The following HEATR4 variants were observed in gnomAD, a reference collection of about 807,000 sequenced individuals.
HEATR4 encodes the protein HEAT repeat containing 4, also known as HEAT repeat-containing protein 4.
Under a neutral mutation model 108.8 loss-of-function variants are expected in HEATR4, and 95 were observed. The observed-to-expected ratio is 0.87, with a 90% CI of 0.74 to 1.04. The LOEUF is 1.04. HEATR4 is among the 50% of genes least tolerant of loss of function. HEATR4 has a pLI of 0.00. For missense variants in HEATR4, 1,152 were observed against 1,253.8 expected, an observed-to-expected ratio of 0.92 and a Z score of 1.23; for synonymous variants, 443 against 459.4, an observed-to-expected ratio of 0.96 and a Z score of 0.46.
the HEATR4 span, among the ~76,000 whole-genome samples, chr14:73,618,583 A>G: frequency 1.5e-4 from 22 of 146,050 alleles, 1 homozygote; most frequent in Non-Finnish European, 2.6e-4. Context: ...TTGAGCCTGA[A>G]CTTATGAATT....
chr14:73,579,205 G>A, the HEATR4 span, among the ~76,000 whole-genome samples: 4 of 143,838 alleles, frequency 2.8e-5, no homozygotes, highest in African/African-American at 7.7e-5. Flanking sequence ...GCAGTGAGCC[G>A]AGATCACGCC....
rs553523284 is a variant in HEATR4, at chr14:73,502,990, C to T, written c.2010G>A (p.Gln670=). 6 of 1,613,800 alleles carry T rather than the reference C, an allele frequency of 3.7e-6. No homozygotes were observed. Among genetic ancestry groups the T allele is most frequent in the Non-Finnish European group, 5.1e-6 (6 of 1,179,844 alleles). Residue 670 remains glutamine (Q), a synonymous_variant, in exon 11 of 18, where the codon CAG becomes CAA. Coordinates refer to ENST00000553558, the MANE Select transcript of HEATR4 (RefSeq NM_001220484.1). The part of the protein sequence containing the change: ...VCLDMKHKLI[Q]LMWNDWNKEV... ...CCTTATTCCAGTCATTCCACATCAG[C>T]TGGATCAACTTATGTTTCATATCCT...
chr14:73,522,948 C>T lies in HEATR4; in HGVS notation c.205G>A (p.Ala69Thr). 6.2e-7 allele frequency: 1 copy of T among 1,614,234 alleles called. No individual in the cohort carries two copies. Among genetic ancestry groups the T allele is most frequent in the Non-Finnish European group, 8.5e-7 (1 of 1,180,048 alleles). Residue 69 changes from alanine to threonine, a missense_variant, in exon 3 of 18, where the codon GCA (alanine) becomes ACA (threonine). Physicochemically the swap from Ala to Thr is moderately conservative, Grantham distance 58 (BLOSUM62 0). Transcript: ENST00000553558. ...ACCTCCTGAGAGAAGGTAAGGTTTG[C>T]AGCAGCCATTTTCAAATATTGGCTC... is the stretch of plus-strand genomic sequence containing the variant. ...RKSQYLKMAA[A>T]NLTFSQEVVW... is the part of the protein sequence containing the mutation.
At chr14:73,584,083 T>C in the HEATR4 span, among the ~76,000 whole-genome samples, 3,714 of 150,880 alleles carry the variant, frequency 0.025, 149 homozygotes, top group African/African-American at 0.086. Flanking sequence ...CAGATGGGCA[T>C]GTATACAACT....
chr14:73,629,174 A>G, the HEATR4 span, among the ~76,000 whole-genome samples: 5 of 152,080 alleles, frequency 3.3e-5, no homozygotes, highest in Non-Finnish European at 5.9e-5. Context: ...AAAGATTACG[A>G]CCCACTGAAG....
At chr14:73,524,310 A>AATATATATATATATATATATATATAT (rs58047390) in intron 2 of HEATR4, among the ~76,000 whole-genome samples, 2 of 54,788 alleles carry the variant, frequency 3.7e-5, no homozygotes, top group African/African-American at 1.8e-4. Context: ...AAAAAAAAAA[A>AATATATATATATATATATATATATAT]ATATATATAT....
the HEATR4 span, among the ~76,000 whole-genome samples, chr14:73,591,473 G>A: frequency 1.3e-5 from 2 of 152,006 alleles, no homozygotes; most frequent in Non-Finnish European, 2.9e-5. Context: ...TTGAACCCAG[G>A]AGGCGGAGAT....
chr14:73,490,529 G>A (rs1468333669), intron 17 of HEATR4, among the ~76,000 whole-genome samples: 3 of 152,158 alleles, frequency 2.0e-5, no homozygotes, highest in Non-Finnish European at 4.4e-5. Context: ...CACCGTGTTA[G>A]CCAGGATGGT....
chr14:73,588,857 A>C, the HEATR4 span, among the ~76,000 whole-genome samples: 5 of 152,156 alleles, frequency 3.3e-5, no homozygotes, highest in African/African-American at 1.2e-4. Flanking sequence ...CTGGACCCTC[A>C]GATTAAAAGT....
rs1165980942 is a variant in HEATR4, at chr14:73,509,460, C to G, written c.1572G>C (p.Gln524His). 1.2e-6 allele frequency: 2 copies of G among 1,613,840 alleles called. No homozygotes were observed. The highest frequency in any genetic ancestry group is 1.7e-6 in the Non-Finnish European group (2 of 1,180,024). Residue 524 changes from glutamine to histidine, a missense_variant, in exon 8 of 18, where the codon CAG becomes CAC. By Grantham distance (24) the Gln-to-His change is conservative. Transcript: ENST00000553558. ...CAGGCAGTAGAACCTCCGGCAAGTC[C>G]TGGATGGTCTTGTCTGTGATCAAAA... Reference protein sequence around the residue: ...TSQRDSDKTIQDLPEVLLPAL... With the variant: ...TSQRDSDKTIHDLPEVLLPAL...
At chr14:73,599,785 A>G in the HEATR4 span, among the ~76,000 whole-genome samples, 22 of 152,338 alleles carry the variant, frequency 1.4e-4, no homozygotes, top group African/African-American at 4.8e-4. Context: ...GAGAGTGGCA[A>G]GGTTCTGGAG....
the HEATR4 span, among the ~76,000 whole-genome samples, chr14:73,628,841 C>G: frequency 6.6e-6 from 1 of 151,684 alleles, no homozygotes; most frequent in Non-Finnish European, 1.5e-5. Context: ...GACCGGAGGT[C>G]AGGAGTTTGA....
At chr14:73,502,799 G>T in intron 11 of HEATR4, 96 bp downstream of exon 11, 1 of 847,082 alleles carries the variant, frequency 1.2e-6, no homozygotes, top group Non-Finnish European at 2.0e-6. Flanking sequence ...CGCCCACCCC[G>T]TCTTCCCAAA....
the HEATR4 span, among the ~76,000 whole-genome samples, chr14:73,628,620 G>A: frequency 6.6e-6 from 1 of 152,170 alleles, no homozygotes; most frequent in Non-Finnish European, 1.5e-5. Context: ...AGGAGTGGTG[G>A]CGCATGCCTG....
chr14:73,612,584 C>G, the HEATR4 span: 17 of 1,407,068 alleles, frequency 1.2e-5, no homozygotes, highest in Admixed American at 4.0e-4. Flanking sequence ...GGCAGCGACG[C>G]TGATCCTGGA....
chr14:73,486,054 A>G (rs900493784), intron 17 of HEATR4, among the ~76,000 whole-genome samples: 1 of 152,166 alleles, frequency 6.6e-6, no homozygotes, highest in African/African-American at 2.4e-5. Flanking sequence ...ATGTAGAATT[A>G]CTACTGGGTC....
intron 17 of HEATR4, among the ~76,000 whole-genome samples, chr14:73,482,088 G>A (rs1595073668): frequency 6.6e-6 from 1 of 151,992 alleles, no homozygotes; most frequent in East Asian, 1.9e-4. Flanking sequence ...AAGGAGGGTT[G>A]AATAAGTGAA....
intron 1 of HEATR4, chr14:73,537,369 A>AG: frequency 8.3e-7 from 1 of 1,211,596 alleles, no homozygotes; most frequent in Non-Finnish European, 1.1e-6. Context: ...GCAGAGTTGC[A>AG]GGGGTCTCCA....
chr14:73,561,093 T>C (rs1433559318), upstream of HEATR4, among the ~76,000 whole-genome samples: 1 of 151,832 alleles, frequency 6.6e-6, no homozygotes, highest in Admixed American at 6.6e-5. Flanking sequence ...GGGCTGGGCG[T>C]GGTGGCTCAG....
Sources: allele counts gnomAD v4.1 joint callset (sites outside exome capture counted in the v4.1 genomes callset), GRCh38; gene constraint gnomAD v4.1.1; transcripts MANE v1.5; gene names NCBI Gene and HGNC (gene_info 2026-07-23, HGNC 2026-07-21).